The following MLIP variants were observed in gnomAD, a reference collection of about 807,000 sequenced individuals.
MLIP encodes muscular LMNA interacting protein.
A neutral mutation model predicts 84.8 loss-of-function variants in MLIP; 79 were observed. The ratio of observed to expected loss-of-function variants is 0.93; its 90% CI spans 0.78 to 1.12. The LOEUF (loss-of-function observed/expected upper bound fraction) is 1.12, where lower values mean the gene tolerates loss of function less well. MLIP is among the 50% of genes most tolerant of loss of function. The pLI is 0.00. For synonymous variants in MLIP, 504 were observed against 463.0 expected (o/e 1.09, Z -1.14); for missense variants, 1,257 against 1,160.6 (o/e 1.08, Z -1.21).
At chr6:54,083,579 A>G in intron 1 of MLIP, 1 of 1,536,014 alleles carries the variant, frequency 6.5e-7, no homozygotes, top group Non-Finnish European at 8.7e-7. Context: ...GTGGCACCGG[A>G]TTCCATGTGC....
In MLIP at chr6:54,160,671, T is replaced by A; in HGVS notation, c.2440-69T>A. On this transcript the variant is annotated intron_variant, in intron 7 of 13. Transcript: ENST00000502396. ...CTCTTCATTTTCCTCTACTTTAGTATGATGCCTCACAGGCTTGTCCTTTTC... is the reference window on the plus strand; with the variant it reads ...CTCTTCATTTTCCTCTACTTTAGTAAGATGCCTCACAGGCTTGTCCTTTTC... 3.3e-6 allele frequency: 5 copies of A among 1,498,440 alleles called. No homozygotes were observed. The South Asian group carries it at 5.7e-5, about 17-fold the overall frequency. 92.8% of individuals were successfully genotyped at this position (1,498,440 alleles called of 1,614,324 possible). A position where few individuals can be genotyped will look rare whatever the true frequency, so the allele number is the denominator to read the frequency against.
intron 5 of MLIP, among the ~76,000 whole-genome samples, chr6:54,158,767 C>T (rs974383326): frequency 2.6e-5 from 4 of 151,840 alleles, no homozygotes; most frequent in Admixed American, 6.6e-5. Context: ...AAATTCAGAA[C>T]GTTTATCATG....
At chr6:54,148,618 A>T (rs952941323) in intron 4 of MLIP, among the ~76,000 whole-genome samples, 1 of 152,204 alleles carries the variant, frequency 6.6e-6, no homozygotes, top group African/African-American at 2.4e-5. Flanking sequence ...ATGCAAGAAA[A>T]TGATCAAGAG....
At chr6:54,261,884 G>T in intron 13 of MLIP, 2 of 297,240 alleles carry the variant, frequency 6.7e-6, no homozygotes, top group Non-Finnish European at 5.0e-6. Context: ...GGATTGCTGA[G>T]AGTTGAAGGT....
chr6:54,164,125 T>TA (rs1159197181), intron 8 of MLIP, among the ~76,000 whole-genome samples: 2 of 151,944 alleles, frequency 1.3e-5, no homozygotes, highest in Non-Finnish European at 2.9e-5. Context: ...TGTATTTAGG[T>TA]ATGCATTTTT....
At chr6:54,057,527 C>T (rs1285475300) in intron 1 of MLIP, among the ~76,000 whole-genome samples, 1 of 152,198 alleles carries the variant, frequency 6.6e-6, no homozygotes, top group African/African-American at 2.4e-5. Context: ...TTTGTTGTAG[C>T]AGAACCTGCA....
chr6:54,076,375 T>C (rs1250594995), intron 1 of MLIP, among the ~76,000 whole-genome samples: 1 of 152,184 alleles, frequency 6.6e-6, no homozygotes, highest in African/African-American at 2.4e-5. Flanking sequence ...ACCAGACTGA[T>C]GTCTCTGGGC....
At chr6:54,027,108 C>G (rs1266604502) in intron 1 of MLIP, among the ~76,000 whole-genome samples, 5 of 151,944 alleles carry the variant, frequency 3.3e-5, no homozygotes, top group Non-Finnish European at 7.4e-5. Context: ...AACAGAAGTC[C>G]TTGTTATTAG....
At chr6:54,083,676 A>T in intron 1 of MLIP, 1 of 1,500,990 alleles carries the variant, frequency 6.7e-7, no homozygotes, top group Non-Finnish European at 9.0e-7. Context: ...TATACATTTA[A>T]CATCAATGAT....
In MLIP at chr6:54,176,849, C is replaced by A. The variant is rs146952250; in HGVS notation, c.2544+7277C>A. On this transcript the variant is annotated intron_variant, in intron 9 of 13. Coordinates refer to ENST00000502396, the MANE Select transcript of MLIP (RefSeq NM_001281747.2). ...AAACAGCATGGTACTAGTACAAAAA[C>A]AGACACATAGACCAATGGAACAGAA... Among the ~76,000 whole-genome samples, 1,290 of 152,216 alleles carry A rather than the reference C, an allele frequency of 8.5e-3. 19 individuals are homozygous for A. Among genetic ancestry groups the A allele is most frequent in the African/African-American group, 0.029 (1,203 of 41,536 alleles).
intron 1 of MLIP, among the ~76,000 whole-genome samples, chr6:54,076,674 C>A (rs1040119482): frequency 6.6e-6 from 1 of 152,154 alleles, no homozygotes; most frequent in African/African-American, 2.4e-5. Context: ...ATAAATTTTG[C>A]ATAGCATTTT....
chr6:54,054,649 T>C (rs1234168352), intron 1 of MLIP, among the ~76,000 whole-genome samples: 2 of 152,182 alleles, frequency 1.3e-5, no homozygotes, highest in South Asian at 2.1e-4. Flanking sequence ...ATGAATAATA[T>C]AGAAATCATG....
At chr6:54,061,292 C>T (rs76425820) in intron 1 of MLIP, among the ~76,000 whole-genome samples, 6,959 of 152,092 alleles carry the variant, frequency 0.046, 250 homozygotes, top group Middle Eastern at 0.068. Flanking sequence ...TTCTTGAGGA[C>T]GAGGACCAGA....
rs1044336079 is a variant in MLIP at position 54,137,157 on chromosome 6, A to T, written c.1088A>T (p.Tyr363Phe). The T allele has an allele frequency of 6.5e-7, 1 of 1,535,936 alleles. No homozygotes were observed. The highest frequency in any genetic ancestry group is 8.7e-7 in the Non-Finnish European group (1 of 1,146,886). ...TCTCTGAAGTCGAATTCGGCCTCGT[A>T]CATACCAGTCCGCATTGTCACGCAT... ...SASLKSNSAS[Y>F]IPVRIVTHSL... The change falls in exon 4 of 14, where the codon TAC becomes TTC. Residue 363 changes from tyrosine (Y) to phenylalanine (F), a missense_variant. Coordinates refer to ENST00000502396, the MANE Select transcript of MLIP (RefSeq NM_001281747.2).
chr6:54,150,061 G>A (rs1003853007), intron 5 of MLIP, among the ~76,000 whole-genome samples: 4 of 152,024 alleles, frequency 2.6e-5, no homozygotes, highest in African/African-American at 9.7e-5. Context: ...CCAACCAGGT[G>A]GTATTATGAT....
chr6:54,184,778 G>T (rs1373310981), intron 9 of MLIP, among the ~76,000 whole-genome samples: 1 of 151,742 alleles, frequency 6.6e-6, no homozygotes, highest in East Asian at 1.9e-4. Flanking sequence ...ATGCAGTAAT[G>T]GCTAAAGCCC....
At position 54,250,100 on chromosome 6, in the gene MLIP, C is replaced by T. The variant is rs1242123047; in HGVS notation, c.2923-7208C>T. On this transcript the variant is annotated intron_variant, in intron 12 of 13. Coordinates refer to ENST00000502396, the MANE Select transcript of MLIP (RefSeq NM_001281747.2). ...CTAAGGATGATGCGTCCAACAATCA[C>T]ATGATAAAAAGCCCAGCATCACTGA... Among the ~76,000 whole-genome samples the T allele has an allele frequency of 2.0e-5, 3 of 151,894 alleles. No individual in the cohort carries two copies. In the East Asian group the frequency reaches 5.8e-4, roughly 29 times the overall value.
Position 54,142,986 on chromosome 6 carries a change from C to T in MLIP, c.2217+4700C>T, listed in dbSNP as rs370561427. On this transcript the variant is annotated intron_variant, in intron 4 of 13. Transcript: ENST00000502396. ...TGTTTTTCTCTTTTTATCTCACTGT[C>T]ATTTACTCCACTCCCTTCACAAAGT... Among the ~76,000 whole-genome samples, 4 of 152,120 alleles carry T rather than the reference C, an allele frequency of 2.6e-5. No homozygotes were observed. The East Asian group carries it at 5.8e-4, about 22-fold the overall frequency.
chr6:54,253,341 T>G (rs1782770108), intron 12 of MLIP, among the ~76,000 whole-genome samples: 1 of 151,900 alleles, frequency 6.6e-6, no homozygotes, highest in Non-Finnish European at 1.5e-5. Context: ...GTGAAGGAGG[T>G]TGACAAGAGG....
Sources: gnomAD v4.1 joint callset for allele counts (sites outside exome capture counted in the v4.1 genomes callset) on GRCh38, gnomAD v4.1.1 for gene constraint, MANE v1.5 for transcripts, NCBI Gene and HGNC (gene_info 2026-07-23, HGNC 2026-07-21) for gene names.